CNGB3: variants seen among roughly 807,000 people sequenced by gnomAD.
CNGB3 encodes cyclic nucleotide-gated channel beta-3.
In CNGB3, 86 loss-of-function variants were observed where a neutral mutation model predicts 92.8. That is an observed-to-expected ratio of 0.93 (90% CI 0.78 to 1.11). The LOEUF is 1.11. Among genes scored for constraint, CNGB3 ranks in the 50% least tolerant of loss-of-function variants. The pLI, the probability that CNGB3 is intolerant of heterozygous loss-of-function variation, is 0.00. For synonymous variants in CNGB3, 333 were observed against 332.7 expected, an observed-to-expected ratio of 1.00 and a Z score of -0.01; for missense variants, 1,026 against 956.8, an observed-to-expected ratio of 1.07 and a Z score of -0.95.
intron 3 of CNGB3, among the ~76,000 whole-genome samples, chr8:86,672,563 A>G (rs999072229): frequency 6.6e-6 from 1 of 152,110 alleles, no homozygotes; most frequent in Non-Finnish European, 1.5e-5. Flanking sequence ...GAGCCCATGT[A>G]GGCTCCATCC....
chr8:86,681,624 G>A (rs1444741430), intron 3 of CNGB3, among the ~76,000 whole-genome samples: 2 of 152,290 alleles, frequency 1.3e-5, no homozygotes, highest in African/African-American at 4.8e-5. Flanking sequence ...GTCACCAGCG[G>A]TGAGTGAAAT....
chr8:86,663,217 G>A (rs549514147), intron 6 of CNGB3, among the ~76,000 whole-genome samples: 3 of 152,308 alleles, frequency 2.0e-5, no homozygotes, highest in Admixed American at 2.0e-4. Context: ...ATTGTAACTA[G>A]ATGACACTGA....
chr8:86,734,218 G>A (rs867723397), intron 2 of CNGB3, among the ~76,000 whole-genome samples: 2 of 152,056 alleles, frequency 1.3e-5, no homozygotes, highest in African/African-American at 2.4e-5. Context: ...TTTAGATTAC[G>A]CCCAAAGTGA....
At chr8:86,712,850 C>G (rs1335404576) in intron 3 of CNGB3, among the ~76,000 whole-genome samples, 1 of 150,644 alleles carries the variant, frequency 6.6e-6, no homozygotes, top group African/African-American at 2.4e-5. Flanking sequence ...TACAAACTCC[C>G]AAGTAGCTAG....
At chr8:86,587,566 T>C (rs560594794) in intron 15 of CNGB3, among the ~76,000 whole-genome samples, 4,103 of 152,120 alleles carry the variant, frequency 0.027, 160 homozygotes, top group African/African-American at 0.093. Context: ...GGCTAGCCAG[T>C]TTTCCCAGCA....
At chr8:86,722,191 T>C (rs1563766480) in intron 3 of CNGB3, among the ~76,000 whole-genome samples, 1 of 152,102 alleles carries the variant, frequency 6.6e-6, no homozygotes, top group East Asian at 1.9e-4. Flanking sequence ...TTCAACTCTG[T>C]CTCCTTTTTC....
Position 86,626,050 on chromosome 8 carries a change from G to A in CNGB3, c.1511C>T (p.Thr504Ile). 1 of 1,613,716 alleles carries A rather than the reference G, an allele frequency of 6.2e-7. No individual in the cohort carries two copies. The highest frequency in any genetic ancestry group is 8.5e-7 in the Non-Finnish European group (1 of 1,179,756). ...DESDLLKTLP[T>I]TVQLALAIDV... is the part of the protein sequence containing the mutation. ...AATGGCGAGGGCTAACTGGACCGTA[G>A]TTGGTAGGGTCTTAAGCAAATCAGA... Residue 504 changes from threonine (T) to isoleucine (I), a missense_variant, in exon 13 of 18, where the codon ACT (threonine) becomes ATT (isoleucine). Physicochemically the swap from Thr to Ile is moderately conservative, Grantham distance 89. Coordinates refer to ENST00000320005, the MANE Select transcript of CNGB3 (RefSeq NM_019098.5).
Position 86,726,545 on chromosome 8 carries a change from T to C in CNGB3, c.324A>G (p.Lys108=), listed in dbSNP as rs1243255790. ...VPEQKEMDPG[K]EGPNSPQNKP... is the part of the protein sequence containing the mutation. ...TAAATGCTCACCTGTTTGGACCTTC[T>C]TTCCCGGGGTCCATTTCCTTCTGCT... Residue 108 remains lysine, a synonymous_variant, in exon 3 of 18, where the codon AAA becomes AAG. Transcript: ENST00000320005. The C allele has an allele frequency of 4.3e-6, 7 of 1,613,764 alleles. No individual in the cohort carries two copies. In the Admixed American group the frequency reaches 1.2e-4, roughly 27 times the overall value.
At position 86,639,411 on chromosome 8, in the gene CNGB3, C is replaced by T. The variant is rs543181363; in HGVS notation, c.1178+4340G>A. 5.9e-5 allele frequency among the ~76,000 whole-genome samples: 9 copies of T among 152,124 alleles called. No individual in the cohort carries two copies. In the East Asian group the frequency reaches 1.7e-3, roughly 29 times the overall value. On this transcript the variant is annotated intron_variant, in intron 10 of 17. Coordinates refer to ENST00000320005, the MANE Select transcript of CNGB3 (RefSeq NM_019098.5). ...TATTCACTCAATATAAATAAAAATGCCTTCTATTGATGTGAATAGAAATTG... is the reference window on the plus strand; with the variant it reads ...TATTCACTCAATATAAATAAAAATGTCTTCTATTGATGTGAATAGAAATTG...
chr8:86,667,999 A>G lies in CNGB3; in HGVS notation c.643+20T>C. On this transcript the variant is annotated intron_variant, in intron 5 of 17. Coordinates refer to ENST00000320005, the MANE Select transcript of CNGB3 (RefSeq NM_019098.5). ...TGATAGCCAGCCCTCCCACTATGAT[A>G]ATTCACCCTTTGATAATACCTGTGT... 1 of 1,613,654 alleles carries G rather than the reference A, an allele frequency of 6.2e-7. No homozygotes were observed. The highest frequency in any genetic ancestry group is 8.5e-7 in the Non-Finnish European group (1 of 1,179,686).
chr8:86,635,869 TACAC>T (rs1380612222), intron 10 of CNGB3, among the ~76,000 whole-genome samples: 4 of 70,852 alleles, frequency 5.6e-5, no homozygotes, highest in South Asian at 4.1e-4. Context: ...TATATACACA[TACAC>T]ATATACTTAG....
chr8:86,726,441 T>G (rs1257688930), intron 3 of CNGB3, 90 bp downstream of exon 3: 3 of 1,556,418 alleles, frequency 1.9e-6, no homozygotes, highest in Non-Finnish European at 2.7e-6. Context: ...GCCCTTATAT[T>G]CAGCTAAAGG....
At chr8:86,687,145 T>C (rs1290396247) in intron 3 of CNGB3, among the ~76,000 whole-genome samples, 1 of 151,942 alleles carries the variant, frequency 6.6e-6, no homozygotes, top group Non-Finnish European at 1.5e-5. Flanking sequence ...TTGGTGAGTT[T>C]GTGGAGTAAC....
intron 3 of CNGB3, among the ~76,000 whole-genome samples, chr8:86,701,364 A>G (rs1418310639): frequency 6.6e-6 from 1 of 152,192 alleles, no homozygotes; most frequent in Non-Finnish European, 1.5e-5. Flanking sequence ...TTCAGTGTTG[A>G]AGTATTTCTT....
intron 3 of CNGB3, among the ~76,000 whole-genome samples, chr8:86,688,173 G>T (rs1423720527): frequency 6.6e-6 from 1 of 151,988 alleles, no homozygotes; most frequent in African/African-American, 2.4e-5. Context: ...GAGATGTTTT[G>T]CATGGTACTT....
chr8:86,641,489 A>C (rs1823185677), intron 10 of CNGB3, among the ~76,000 whole-genome samples: 1 of 151,886 alleles, frequency 6.6e-6, no homozygotes, highest in South Asian at 2.1e-4. Flanking sequence ...CTTTCTGGTA[A>C]CATACTGATC....
chr8:86,624,486 G>C (rs114638720), intron 13 of CNGB3, among the ~76,000 whole-genome samples: 1 of 152,134 alleles, frequency 6.6e-6, no homozygotes, highest in South Asian at 2.1e-4. Flanking sequence ...ACTGCCGACT[G>C]CCTCAGCCTC....
chr8:86,690,372 G>A (rs1227540780), intron 3 of CNGB3, among the ~76,000 whole-genome samples: 1 of 152,180 alleles, frequency 6.6e-6, no homozygotes, highest in African/African-American at 2.4e-5. Flanking sequence ...TTTGAGAAGT[G>A]TCTGTTCATA....
At chr8:86,613,942 A>G (rs1490811196) in intron 13 of CNGB3, among the ~76,000 whole-genome samples, 4 of 147,866 alleles carry the variant, frequency 2.7e-5, no homozygotes, top group African/African-American at 9.8e-5. Flanking sequence ...TATAAAATAT[A>G]TATTATAAAA....
Sources: allele counts gnomAD v4.1 joint callset (sites outside exome capture counted in the v4.1 genomes callset), GRCh38; gene constraint gnomAD v4.1.1; transcripts MANE v1.5; gene names NCBI Gene and HGNC (gene_info 2026-07-23, HGNC 2026-07-21).